Variants in DET1 observed in about 807,000 individuals in gnomAD.
DET1 encodes the protein DET1 homolog.
DET1 carries 22 observed loss-of-function variants against 43.7 expected under a neutral mutation model. The ratio of observed to expected loss-of-function variants is 0.50; its 90% confidence interval spans 0.36 to 0.72. The LOEUF is 0.72. DET1 is among the 30% of genes least tolerant of loss of function. The pLI is 0.00. For missense variants in DET1, 713 were observed against 713.3 expected (o/e 1.00, Z 0.00); for synonymous variants, 315 against 266.2 (o/e 1.18, Z -1.79).
chr15:88,528,963 T>TC (rs1186267847), intron 2 of DET1, among the ~76,000 whole-genome samples: 8 of 152,246 alleles, frequency 5.3e-5, no homozygotes, highest in Admixed American at 3.9e-4. Context: ...TTTTACTTAT[T>TC]AATCTTATTG....
In DET1 at chr15:88,512,927, G is replaced by C. The variant is rs754051413; in HGVS notation, c.*24C>G. The C allele has an allele frequency of 3.1e-6, 5 of 1,609,296 alleles. No individual in the cohort carries two copies. In the South Asian group the frequency reaches 5.5e-5, roughly 18 times the overall value. On this transcript the variant is annotated 3_prime_UTR_variant, in exon 5 of 5. Coordinates refer to ENST00000268148, the MANE Select transcript of DET1 (RefSeq NM_001144074.3). ...TGAGTGGCAAAGTCTTGGAAGACCA[G>C]ATAATCTGGCTCTGGTGAGGCACCT...
intron 2 of DET1, among the ~76,000 whole-genome samples, chr15:88,528,997 G>T (rs542696667): frequency 6.6e-6 from 1 of 152,166 alleles, no homozygotes; most frequent in Non-Finnish European, 1.5e-5. Flanking sequence ...TAAACTGGAG[G>T]AGGAGAGCAA....
Position 88,512,659 on chromosome 15 carries a change from A to G in DET1, c.*292T>C. 1.7e-6 allele frequency: 2 copies of G among 1,149,700 alleles called. No homozygotes were observed. Among genetic ancestry groups the G allele is most frequent in the South Asian group, 7.2e-5 (2 of 27,690 alleles). 71.2% of individuals were successfully genotyped at this position (1,149,700 alleles called of 1,614,324 possible). Reference sequence around the variant, plus strand: ...ATAAAAGTCTAATGCTTTCATCTTCACAGCAATCAAATGCAAAGTAAAGCA... The same window carrying G: ...ATAAAAGTCTAATGCTTTCATCTTCGCAGCAATCAAATGCAAAGTAAAGCA... On this transcript the variant is annotated 3_prime_UTR_variant, in exon 5 of 5. Coordinates refer to ENST00000268148, the MANE Select transcript of DET1 (RefSeq NM_001144074.3).
At chr15:88,511,298 A>G (rs1259832166), downstream of DET1, 1 of 594,576 alleles carries the variant, frequency 1.7e-6, no homozygotes, top group Non-Finnish European at 2.1e-6. Flanking sequence ...AATTCGTATT[A>G]TGTCTTCTAC....
At chr15:88,513,290 GT>G (rs2056244173) in intron 4 of DET1, 150 bp from the exon 5 acceptor site, 2 of 793,918 alleles carry the variant, frequency 2.5e-6, no homozygotes, top group South Asian at 3.9e-5. Flanking sequence ...GTTATCAGAA[GT>G]ATAAAATCAC....
chr15:88,534,223 C>T (rs560910965), intron 1 of DET1, among the ~76,000 whole-genome samples: 51 of 152,194 alleles, frequency 3.4e-4, no homozygotes, highest in East Asian at 1.9e-3. Context: ...AAATCACAGG[C>T]CATAAAAGTC....
At position 88,512,595 on chromosome 15, in the gene DET1, A is replaced by T; in HGVS notation, c.*356T>A. 2.0e-6 allele frequency: 2 copies of T among 1,023,582 alleles called. No individual in the cohort carries two copies. The highest frequency in any genetic ancestry group is 1.2e-6 in the Non-Finnish European group (1 of 854,912). The allele number at this position is 1,023,582 out of a possible 1,614,324, so 63.4% of individuals were successfully genotyped here. ...CAGTAAACAAGATTTAACTGCTTTC[A>T]GATGCAAACCATAATGCCGAAGAAG... is the stretch of plus-strand genomic sequence containing the variant. On this transcript the variant is annotated 3_prime_UTR_variant, in exon 5 of 5. Coordinates refer to ENST00000268148, the MANE Select transcript of DET1 (RefSeq NM_001144074.3).
At chr15:88,546,295 A>G (rs992687057) in intron 1 of DET1, 1 of 152,568 alleles carries the variant, frequency 6.6e-6, no homozygotes, top group African/African-American at 2.4e-5. Context: ...CTATGGGAGA[A>G]GGTGCACATG....
downstream of DET1, chr15:88,512,306 A>G: frequency 5.1e-6 from 5 of 981,792 alleles, no homozygotes; most frequent in Non-Finnish European, 6.0e-6. Context: ...ACCCGAGGGA[A>G]GGAAACAATC....
At chr15:88,522,379 AT>A (rs573006063) in intron 3 of DET1, among the ~76,000 whole-genome samples, 19 of 147,606 alleles carry the variant, frequency 1.3e-4, no homozygotes, top group South Asian at 4.3e-4. Flanking sequence ...CAGGTACTCT[AT>A]TTTTTTTTTA....
chr15:88,530,897 G>C lies in DET1; in HGVS notation c.809C>G (p.Ala270Gly). 6.2e-7 allele frequency: 1 copy of C among 1,614,038 alleles called. No individual in the cohort carries two copies. Among genetic ancestry groups the C allele is most frequent in the South Asian group, 1.1e-5 (1 of 91,084 alleles). Reference protein sequence around the residue: ...CYEDDLLTVSAVFPEVQRDSQ... With the variant: ...CYEDDLLTVSGVFPEVQRDSQ... The stretch of plus-strand genomic sequence containing the variant: ...GTCCCGCTGTACCTCAGGGAAAACA[G>C]CTGACACAGTGAGCAGGTCATCCTC... Residue 270 changes from alanine (A) to glycine (G), a missense_variant, in exon 2 of 5, where the codon GCT becomes GGT. By Grantham distance (60) the Ala-to-Gly change is moderately conservative. Coordinates refer to ENST00000268148, the MANE Select transcript of DET1 (RefSeq NM_001144074.3).
At chr15:88,510,491 G>C (rs913696307), downstream of DET1, among the ~76,000 whole-genome samples, 1 of 152,092 alleles carries the variant, frequency 6.6e-6, no homozygotes, top group African/African-American at 2.4e-5. Context: ...TCAGCCCCAC[G>C]AACATGTAAC....
In DET1 at chr15:88,530,646, G is replaced by A. The variant is rs1183962479; in HGVS notation, c.1060C>T (p.Leu354=). ...IKYTSEDVVT[L]RVTDPSQASF... ...ACCTGTGATGGATCTGTGACTCGCAGTGTTACTACATCCTCACTAGTGTAC... is the reference window on the plus strand; with the variant it reads ...ACCTGTGATGGATCTGTGACTCGCAATGTTACTACATCCTCACTAGTGTAC... Residue 354 remains leucine, a synonymous_variant, in exon 2 of 5, where the codon CTG becomes TTG. Coordinates refer to ENST00000268148, the MANE Select transcript of DET1 (RefSeq NM_001144074.3). The A allele has an allele frequency of 6.2e-7, 1 of 1,610,814 alleles. No individual in the cohort carries two copies. Among genetic ancestry groups the A allele is most frequent in the East Asian group, 2.2e-5 (1 of 44,858 alleles).
At chr15:88,522,933 A>C (rs1236052802) in intron 3 of DET1, among the ~76,000 whole-genome samples, 1 of 149,624 alleles carries the variant, frequency 6.7e-6, no homozygotes, top group Non-Finnish European at 1.5e-5. Flanking sequence ...CTACTCTGGA[A>C]TGCAGTAGCT....
intron 3 of DET1, among the ~76,000 whole-genome samples, chr15:88,526,476 C>A (rs550110594): frequency 6.6e-6 from 1 of 151,946 alleles, no homozygotes; most frequent in South Asian, 2.1e-4. Context: ...CATAGGAGGG[C>A]CTTGCTGACT....
At chr15:88,530,490 G>T in intron 2 of DET1, 133 bp downstream of exon 2, 3 of 1,425,754 alleles carry the variant, frequency 2.1e-6, no homozygotes, top group Non-Finnish European at 2.8e-6. Flanking sequence ...CTGATTTTAA[G>T]TTTGGGCCCT....
At chr15:88,503,965 A>T (rs2056112949) in exon 8 of DET1, 1 of 151,012 alleles carries the variant, frequency 6.6e-6, no homozygotes, top group Non-Finnish European at 1.5e-5. Context: ...ACCACACTCC[A>T]GCCTGGGCAA....
At chr15:88,518,418 CA>C (rs569091864) in intron 3 of DET1, among the ~76,000 whole-genome samples, 73 of 152,156 alleles carry the variant, frequency 4.8e-4, no homozygotes, top group African/African-American at 1.8e-3. Flanking sequence ...TATATGGTAA[CA>C]GGGGAAATGT....
intron 1 of DET1, among the ~76,000 whole-genome samples, chr15:88,533,532 A>G (rs979604930): frequency 2.0e-5 from 3 of 152,216 alleles, no homozygotes; most frequent in African/African-American, 7.2e-5. Flanking sequence ...GAAGCAACCC[A>G]AAAGTTCACT....
Sources: allele counts gnomAD v4.1 joint callset (sites outside exome capture counted in the v4.1 genomes callset), GRCh38; gene constraint gnomAD v4.1.1; transcripts MANE v1.5; gene names NCBI Gene and HGNC (gene_info 2026-07-23, HGNC 2026-07-21).